ZFAND3: variants seen among roughly 807,000 people sequenced by gnomAD.
The protein encoded by ZFAND3 is AN1-type zinc finger protein 3.
A neutral mutation model predicts 29.6 loss-of-function variants in ZFAND3; 10 were observed. That is an observed-to-expected ratio of 0.34 (90% CI 0.21 to 0.57). The LOEUF (loss-of-function observed/expected upper bound fraction) is 0.57, where lower values mean the gene tolerates loss of function less well. Ranked by LOEUF, ZFAND3 falls within the 20% of genes least tolerant of loss-of-function variation. The pLI is 0.86. For missense variants in ZFAND3, 230 were observed against 304.5 expected (o/e 0.76, Z 1.82); for synonymous variants, 128 against 112.6 (o/e 1.14, Z -0.87).
At chr6:37,835,055 T>C (rs1389685423) in intron 1 of ZFAND3, among the ~76,000 whole-genome samples, 1 of 152,198 alleles carries the variant, frequency 6.6e-6, no homozygotes, top group East Asian at 1.9e-4. Flanking sequence ...AGAGCATCTT[T>C]TTTCATTGGC....
At chr6:37,998,201 A>G (rs1392229445) in intron 2 of ZFAND3, among the ~76,000 whole-genome samples, 1 of 152,214 alleles carries the variant, frequency 6.6e-6, no homozygotes, top group Non-Finnish European at 1.5e-5. Context: ...ACCTGATTCA[A>G]AAAGGCTGCA....
At chr6:38,144,218 A>ATATATATATATATATATATATAATAT (rs1554183997) in intron 5 of ZFAND3, among the ~76,000 whole-genome samples, 1 of 31,448 alleles carries the variant, frequency 3.2e-5, no homozygotes, top group African/African-American at 1.9e-4. Context: ...TATAATATAT[A>ATATATATATATATATATATATAATAT]ATATATATAT....
chr6:38,146,855 T>C (rs903348573), intron 5 of ZFAND3, among the ~76,000 whole-genome samples: 1 of 152,226 alleles, frequency 6.6e-6, no homozygotes, highest in African/African-American at 2.4e-5. Context: ...TTTTTAAAAT[T>C]ACATGCTGCT....
At chr6:37,840,166 C>T (rs151061526) in intron 1 of ZFAND3, among the ~76,000 whole-genome samples, 183 of 151,932 alleles carry the variant, frequency 1.2e-3, no homozygotes, top group African/African-American at 4.0e-3. Context: ...GGCGCGATCT[C>T]GGCTCAGTGC....
At chr6:37,942,376 T>G (rs1761826738) in intron 2 of ZFAND3, among the ~76,000 whole-genome samples, 1 of 152,188 alleles carries the variant, frequency 6.6e-6, no homozygotes, top group South Asian at 2.1e-4. Flanking sequence ...ATTAAAAATG[T>G]ACTTTTTTCC....
At chr6:37,907,180 AT>A (rs1317124458) in intron 1 of ZFAND3, among the ~76,000 whole-genome samples, 2 of 151,632 alleles carry the variant, frequency 1.3e-5, no homozygotes, top group Non-Finnish European at 2.9e-5. Flanking sequence ...AATATCATTG[AT>A]TTTTTTTCAG....
At chr6:38,144,231 AT>A (rs67159019) in intron 5 of ZFAND3, among the ~76,000 whole-genome samples, 1,527 of 75,142 alleles carry the variant, frequency 0.02, 50 homozygotes, top group African/African-American at 0.047. Context: ...ATATATATAT[AT>A]TTTTTTTTTA....
chr6:38,057,879 T>C (rs956790366), intron 2 of ZFAND3, among the ~76,000 whole-genome samples: 1 of 152,214 alleles, frequency 6.6e-6, no homozygotes, highest in Non-Finnish European at 1.5e-5. Flanking sequence ...ATATAGAGCT[T>C]CTACTCCTCT....
At chr6:37,928,095 G>C (rs564176825) in intron 1 of ZFAND3, among the ~76,000 whole-genome samples, 1 of 152,210 alleles carries the variant, frequency 6.6e-6, no homozygotes, top group Middle Eastern at 3.4e-3. Context: ...CATTGCTGTT[G>C]TGTTTATATT....
chr6:37,918,971 T>TTTTTTTTGG (rs1761321038), intron 1 of ZFAND3, among the ~76,000 whole-genome samples: 1 of 111,956 alleles, frequency 8.9e-6, no homozygotes, highest in African/African-American at 3.1e-5. Flanking sequence ...TTTTTTTTTT[T>TTTTTTTTGG]GAGACGGAGT....
At chr6:37,972,976 A>G (rs778468500) in intron 2 of ZFAND3, among the ~76,000 whole-genome samples, 13 of 152,122 alleles carry the variant, frequency 8.5e-5, no homozygotes, top group Non-Finnish European at 1.8e-4. Context: ...GTTTATTTTG[A>G]AAAAAACTTT....
chr6:38,053,108 C>G (rs1239761884), intron 2 of ZFAND3, among the ~76,000 whole-genome samples: 1 of 150,892 alleles, frequency 6.6e-6, no homozygotes, highest in Non-Finnish European at 1.5e-5. Flanking sequence ...TCTGAAAAAC[C>G]AAGAGCACTG....
chr6:37,872,635 T>C (rs768870371), intron 1 of ZFAND3, among the ~76,000 whole-genome samples: 1 of 152,206 alleles, frequency 6.6e-6, no homozygotes, highest in Admixed American at 6.5e-5. Flanking sequence ...GTAAATGATA[T>C]CATTCATAGG....
At chr6:38,045,593 T>C (rs1418995394) in intron 2 of ZFAND3, among the ~76,000 whole-genome samples, 1 of 152,204 alleles carries the variant, frequency 6.6e-6, no homozygotes, top group Non-Finnish European at 1.5e-5. Context: ...CACTTAAATA[T>C]TGATACAGAT....
chr6:37,918,788 C>G (rs1761315214), intron 1 of ZFAND3, among the ~76,000 whole-genome samples: 1 of 151,968 alleles, frequency 6.6e-6, no homozygotes, highest in African/African-American at 2.4e-5. Flanking sequence ...CCAACCCCAC[C>G]TATTTTCAAA....
At chr6:37,879,809 A>T (rs905061768) in intron 1 of ZFAND3, among the ~76,000 whole-genome samples, 2 of 152,202 alleles carry the variant, frequency 1.3e-5, no homozygotes, top group Admixed American at 1.3e-4. Flanking sequence ...CTGGTACTTA[A>T]TTCTTTTGAA....
intron 1 of ZFAND3, among the ~76,000 whole-genome samples, chr6:37,858,399 G>T (rs1764421994): frequency 6.6e-6 from 1 of 152,176 alleles, no homozygotes; most frequent in Non-Finnish European, 1.5e-5. Flanking sequence ...TGTAAGAAGG[G>T]TTATGCTTGA....
intron 1 of ZFAND3, among the ~76,000 whole-genome samples, chr6:37,902,749 T>TA (rs970617009): frequency 2.0e-5 from 3 of 147,848 alleles, no homozygotes; most frequent in Non-Finnish European, 4.5e-5. Flanking sequence ...TTTTTTTTTT[T>TA]TTTTTTTTTT....
intron 2 of ZFAND3, among the ~76,000 whole-genome samples, chr6:37,993,138 G>C (rs535470530): frequency 4.0e-5 from 6 of 151,664 alleles, no homozygotes; most frequent in Admixed American, 2.0e-4. Context: ...TCAATCTCAC[G>C]TTTGGATTAA....
Sources: allele counts gnomAD v4.1 joint callset (sites outside exome capture counted in the v4.1 genomes callset), GRCh38; gene constraint gnomAD v4.1.1; transcripts MANE v1.5; gene names NCBI Gene and HGNC (gene_info 2026-07-23, HGNC 2026-07-21).